The following PLEKHG7 variants were observed in gnomAD, a reference collection of about 807,000 sequenced individuals.
PLEKHG7 encodes pleckstrin homology and RhoGEF domain containing G7, also known as pleckstrin homology domain-containing family G member 7.
Under a neutral mutation model 85.2 loss-of-function variants are expected in PLEKHG7, and 77 were observed. The ratio of observed to expected loss-of-function variants is 0.90; its 90% CI spans 0.75 to 1.09. The LOEUF (loss-of-function observed/expected upper bound fraction) is 1.09. Among genes scored for constraint, PLEKHG7 ranks in the 50% least tolerant of loss-of-function variants. The pLI is 0.00. For missense variants in PLEKHG7, 777 were observed against 804.3 expected (o/e 0.97, Z 0.41); for synonymous variants, 301 against 302.4 (o/e 1.00, Z 0.05).
chr12:92,726,899 C>A (rs552698187), intron 3 of PLEKHG7, among the ~76,000 whole-genome samples: 1 of 152,282 alleles, frequency 6.6e-6, no homozygotes, highest in Non-Finnish European at 1.5e-5. Context: ...TTCAGATCAT[C>A]GGGGAACCAT....
chr12:92,761,623 GAAGA>G (rs10601568), intron 13 of PLEKHG7, 125 bp from the exon 14 acceptor site: 24,969 of 717,120 alleles, frequency 0.035, 952 homozygotes, highest in East Asian at 0.13. Context: ...AAGAAAGAAA[GAAGA>G]AAGAAAGAAA....
At chr12:92,749,931 T>TTTTA (rs1258203192) in intron 10 of PLEKHG7, among the ~76,000 whole-genome samples, 10 of 110,568 alleles carry the variant, frequency 9.0e-5, no homozygotes, top group Non-Finnish European at 1.5e-4. Context: ...ATTTTATTTA[T>TTTTA]TTTATTTTAT....
chr12:92,729,532 G>A (rs1871922031), intron 4 of PLEKHG7, among the ~76,000 whole-genome samples: 1 of 151,620 alleles, frequency 6.6e-6, no homozygotes, highest in Non-Finnish European at 1.5e-5. Flanking sequence ...TCCAACCAGG[G>A]TGGTACCATG....
intron 3 of PLEKHG7, among the ~76,000 whole-genome samples, chr12:92,727,927 G>GGTGTGT (rs540230230): frequency 0.048 from 4,054 of 84,930 alleles, 485 homozygotes; most frequent in East Asian, 0.095. Flanking sequence ...GGTATTCTAT[G>GGTGTGT]GTGTGTGTGT....
chr12:92,720,488 G>T (rs1167965510), intron 3 of PLEKHG7, among the ~76,000 whole-genome samples: 1 of 152,004 alleles, frequency 6.6e-6, no homozygotes, highest in Non-Finnish European at 1.5e-5. Context: ...ACCACATCGG[G>T]CTAATTTTTT....
intron 3 of PLEKHG7, among the ~76,000 whole-genome samples, chr12:92,716,287 G>A (rs1237765780): frequency 6.6e-6 from 1 of 152,086 alleles, no homozygotes; most frequent in East Asian, 1.9e-4. Context: ...AGTAGAGACA[G>A]GATTTCGTCA....
intron 12 of PLEKHG7, 69 bp downstream of exon 12, chr12:92,756,009 T>C (rs1365027062): frequency 9.9e-7 from 1 of 1,013,912 alleles, no homozygotes; most frequent in African/African-American, 1.6e-5. Context: ...AGAAATACAA[T>C]CATCTTAGAT....
At chr12:92,764,233 C>A in intron 15 of PLEKHG7, 39 bp downstream of exon 15, 1 of 1,546,300 alleles carries the variant, frequency 6.5e-7, no homozygotes, top group South Asian at 1.2e-5. Context: ...ATCTGTTTGC[C>A]ATCACAGAGT....
chr12:92,750,838 A>G (rs1480381298), intron 10 of PLEKHG7, among the ~76,000 whole-genome samples: 2 of 152,142 alleles, frequency 1.3e-5, no homozygotes, highest in African/African-American at 4.8e-5. Flanking sequence ...CTTGGAGATC[A>G]TCTAGCCAAG....
At chr12:92,709,341 G>A (rs1020411989) in intron 3 of PLEKHG7, among the ~76,000 whole-genome samples, 1 of 152,216 alleles carries the variant, frequency 6.6e-6, no homozygotes, top group Non-Finnish European at 1.5e-5. Flanking sequence ...CCAAGCTTCT[G>A]GCTTGTTCAA....
intron 2 of PLEKHG7, 79 bp from the exon 3 acceptor site, chr12:92,707,571 C>T: frequency 6.4e-7 from 1 of 1,564,400 alleles, no homozygotes; most frequent in Non-Finnish European, 8.7e-7. Flanking sequence ...CTCATTGTTT[C>T]TCCTTTCAAC....
intron 13 of PLEKHG7, among the ~76,000 whole-genome samples, chr12:92,760,083 G>GA (rs1317665256): frequency 2.6e-5 from 4 of 152,102 alleles, no homozygotes; most frequent in African/African-American, 9.7e-5. Flanking sequence ...AGAGACAAGA[G>GA]AGCTTAGCCC....
At chr12:92,715,304 A>G (rs1871450445) in intron 3 of PLEKHG7, among the ~76,000 whole-genome samples, 1 of 152,104 alleles carries the variant, frequency 6.6e-6, no homozygotes, top group East Asian at 1.9e-4. Flanking sequence ...GATGGTGCCC[A>G]CCCAGATTAA....
chr12:92,739,871 A>G (rs1255629472), intron 7 of PLEKHG7, among the ~76,000 whole-genome samples: 5 of 152,082 alleles, frequency 3.3e-5, no homozygotes, highest in Admixed American at 1.3e-4. Flanking sequence ...GACAACCAAT[A>G]CTCCATGGAT....
At chr12:92,768,858 C>A in intron 15 of PLEKHG7, 125 bp from the exon 16 acceptor site, 1 of 608,034 alleles carries the variant, frequency 1.6e-6, no homozygotes, top group South Asian at 2.6e-5. Flanking sequence ...CTAGATAAAC[C>A]TCCCACCCTC....
chr12:92,729,020 G>C lies in PLEKHG7; in HGVS notation c.558G>C (p.Val186=). The C allele has an allele frequency of 1.6e-6, 2 of 1,231,726 alleles. No individual in the cohort carries two copies. Among genetic ancestry groups the C allele is most frequent in the Non-Finnish European group, 2.0e-6 (2 of 987,790 alleles). The allele number at this position is 1,231,726 out of a possible 1,614,324, so 76.3% of individuals were successfully genotyped here. Residue 186 remains valine, a synonymous_variant, in exon 4 of 17, where the codon GTG becomes GTC. Coordinates refer to ENST00000344636, the MANE Select transcript of PLEKHG7 (RefSeq NM_001377329.1). The stretch of plus-strand genomic sequence containing the variant: ...TCTACGAGCACAGGCGGAGTTCTGT[G>C]GTGCTGAACTTACCTGGACTTGAGG... ...SRFYEHRRSS[V]VLNLPGLEVF... is the part of the protein sequence containing the mutation.
At chr12:92,756,448 G>A in intron 13 of PLEKHG7, 57 bp downstream of exon 13, 1 of 1,332,682 alleles carries the variant, frequency 7.5e-7, no homozygotes, top group Non-Finnish European at 1.1e-6. Flanking sequence ...TAACTTGTTT[G>A]ACTGCCAGTA....
At chr12:92,704,379 C>T (rs1172434670) in intron 1 of PLEKHG7, among the ~76,000 whole-genome samples, 1 of 152,138 alleles carries the variant, frequency 6.6e-6, no homozygotes, top group Admixed American at 6.5e-5. Context: ...CTTATTTTAT[C>T]AATGGTAGGG....
At chr12:92,723,993 C>T (rs1400645697) in intron 3 of PLEKHG7, among the ~76,000 whole-genome samples, 3 of 152,158 alleles carry the variant, frequency 2.0e-5, no homozygotes, top group Non-Finnish European at 2.9e-5. Flanking sequence ...TTACATTTCT[C>T]ATTCAAATTA....
Sources: gnomAD v4.1 joint callset for allele counts (sites outside exome capture counted in the v4.1 genomes callset) on GRCh38, gnomAD v4.1.1 for gene constraint, MANE v1.5 for transcripts, NCBI Gene and HGNC (gene_info 2026-07-23, HGNC 2026-07-21) for gene names.